UBE2U: variants seen among roughly 807,000 people sequenced by gnomAD.
UBE2U encodes the protein ubiquitin conjugating enzyme E2 U, also known as ubiquitin-conjugating enzyme E2 U.
UBE2U carries 39 observed loss-of-function variants against 41.2 expected under a neutral mutation model. The observed-to-expected ratio is 0.95, with a 90% CI of 0.73 to 1.24. UBE2U has a LOEUF of 1.24. Ranked by LOEUF, UBE2U falls within the 50% of genes most tolerant of loss-of-function variation. The probability of loss-of-function intolerance (pLI) is 0.00; values close to 1 mark genes in which losing one functional copy is unlikely to be tolerated. For missense variants in UBE2U, 336 were observed against 363.1 expected (o/e 0.93, Z 0.61); for synonymous variants, 107 against 117.8 (o/e 0.91, Z 0.60).
intron 3 of UBE2U, 112 bp from the exon 4 acceptor site, chr1:64,210,630 G>GA: frequency 2.9e-6 from 2 of 684,170 alleles, no homozygotes; most frequent in Non-Finnish European, 4.5e-6. Context: ...GAAGAACTAG[G>GA]AAAAAGGAAG....
chr1:64,222,730 T>A (rs1222425306), intron 6 of UBE2U, among the ~76,000 whole-genome samples: 3 of 152,224 alleles, frequency 2.0e-5, no homozygotes, highest in African/African-American at 4.8e-5. Flanking sequence ...CACAATAAGA[T>A]CTTGCAGAAA....
At chr1:64,253,833 C>A (rs1238919372) in intron 8 of UBE2U, among the ~76,000 whole-genome samples, 2 of 152,136 alleles carry the variant, frequency 1.3e-5, no homozygotes, top group Non-Finnish European at 1.5e-5. Flanking sequence ...AGACCAGTGA[C>A]ACTATGAAGC....
At chr1:64,251,378 G>A (rs571396718) in intron 8 of UBE2U, among the ~76,000 whole-genome samples, 22 of 151,964 alleles carry the variant, frequency 1.4e-4, no homozygotes, top group East Asian at 3.9e-4. Context: ...TGAAAATTTC[G>A]AATAATGTAA....
At chr1:64,243,674 C>T (rs1293800613) in intron 8 of UBE2U, among the ~76,000 whole-genome samples, 1 of 152,156 alleles carries the variant, frequency 6.6e-6, no homozygotes, top group Non-Finnish European at 1.5e-5. Flanking sequence ...TTCCTTCCCT[C>T]CCCTCATCAA....
intron 6 of UBE2U, among the ~76,000 whole-genome samples, chr1:64,227,212 A>C (rs566876123): frequency 1.3e-5 from 2 of 152,342 alleles, no homozygotes; most frequent in East Asian, 1.9e-4. Context: ...GTTTTGGAAT[A>C]AGGTAAGTAT....
At position 64,246,523 on chromosome 1, in the gene UBE2U, C is replaced by T. The variant is rs931859651; in HGVS notation, c.677+4790C>T. On this transcript the variant is annotated intron_variant, in intron 8 of 9. Transcript: ENST00000371077. ...TTCCCTAAAATTAAACCTTGACTGC[C>T]ATCTTGTGGTTAACAAGTGAATTAG... is the stretch of plus-strand genomic sequence containing the variant. Among the ~76,000 whole-genome samples the T allele has an allele frequency of 3.3e-5, 5 of 152,272 alleles. No homozygotes were observed. The South Asian group carries it at 1.0e-3, about 32-fold the overall frequency.
At chr1:64,222,646 A>C (rs552739468) in intron 6 of UBE2U, among the ~76,000 whole-genome samples, 1 of 152,228 alleles carries the variant, frequency 6.6e-6, no homozygotes, top group African/African-American at 2.4e-5. Context: ...GTGAATTCTA[A>C]TGTTAGCCCC....
chr1:64,239,092 G>GAAGAAGAAGAAGAAGAAGAAGAAGAAA (rs1644737300), intron 7 of UBE2U, among the ~76,000 whole-genome samples: 1 of 42,750 alleles, frequency 2.3e-5, no homozygotes, highest in African/African-American at 1.0e-4. Context: ...AAGAGGAAGA[G>GAAGAAGAAGAAGAAGAAGAAGAAGAAA]GAAGAAGAAG....
intron 6 of UBE2U, among the ~76,000 whole-genome samples, chr1:64,228,140 A>G (rs1372838400): frequency 2.0e-5 from 3 of 152,224 alleles, no homozygotes; most frequent in Non-Finnish European, 4.4e-5. Context: ...AAGTTACAGC[A>G]TAGATACCCC....
intron 4 of UBE2U, 35 bp downstream of exon 4, chr1:64,210,874 A>T: frequency 2.9e-6 from 4 of 1,402,702 alleles, no homozygotes; most frequent in South Asian, 1.3e-5. Context: ...TCTCTTTAAT[A>T]CTTTTAATTA....
At chr1:64,226,736 CTTA>C (rs1431002004) in intron 6 of UBE2U, among the ~76,000 whole-genome samples, 2 of 12,576 alleles carry the variant, frequency 1.6e-4, no homozygotes, top group Non-Finnish European at 2.7e-4. Flanking sequence ...CAAAATAAAA[CTTA>C]AAAAAAAAAA....
chr1:64,244,704 C>A (rs1198094174), intron 8 of UBE2U, among the ~76,000 whole-genome samples: 2 of 152,218 alleles, frequency 1.3e-5, no homozygotes, highest in African/African-American at 4.8e-5. Context: ...TTCACAGTTA[C>A]CCCATCCTCT....
Position 64,204,082 on chromosome 1 carries a change from G to A in UBE2U, c.32G>A (p.Arg11Lys). 1.2e-6 allele frequency: 2 copies of A among 1,613,918 alleles called. No individual in the cohort carries two copies. The highest frequency in any genetic ancestry group is 1.7e-6 in the Non-Finnish European group (2 of 1,179,890). Residue 11 changes from arginine (R) to lysine (K), a missense_variant, in exon 1 of 10, where the codon AGA becomes AAA. Physicochemically the swap from Arg to Lys is conservative, Grantham distance 26. Transcript: ENST00000371077. ...GGCAGAGCTTACCTCTTGCTGCACA[G>A]AGACTTCTGTGATCTCAAGGAGAAC... MHGRAYLLLHRDFCDLKENNY... is the reference protein window; with the variant it reads MHGRAYLLLHKDFCDLKENNY...
intron 6 of UBE2U, 74 bp from the exon 7 acceptor site, chr1:64,232,487 C>T: frequency 9.7e-7 from 1 of 1,026,750 alleles, no homozygotes; most frequent in South Asian, 1.5e-5. Flanking sequence ...GTGAACAGTC[C>T]ATATAGCAGT....
At chr1:64,234,281 G>T (rs1219073615) in intron 7 of UBE2U, among the ~76,000 whole-genome samples, 1 of 152,064 alleles carries the variant, frequency 6.6e-6, no homozygotes, top group Admixed American at 6.6e-5. Context: ...TTGGTTAGTG[G>T]TAGATCACTA....
At chr1:64,261,572 A>G (rs758453258) in intron 9 of UBE2U, among the ~76,000 whole-genome samples, 1 of 152,116 alleles carries the variant, frequency 6.6e-6, no homozygotes, top group Non-Finnish European at 1.5e-5. Context: ...CCTGCTCAGT[A>G]TCCACCTCTC....
Position 64,204,057 on chromosome 1 carries a change from G to C in UBE2U, c.7G>C (p.Gly3Arg). The change falls in exon 1 of 10, where the codon GGC becomes CGC. Residue 3 changes from glycine to arginine, a missense_variant. Gly to Arg is a moderately radical substitution (Grantham distance 125, BLOSUM62 -2). Transcript: ENST00000371077. MH[G>R]RAYLLLHRDF... ...AGACCCTCCGCTGCCTATCATGCAC[G>C]GCAGAGCTTACCTCTTGCTGCACAG... is the stretch of plus-strand genomic sequence containing the variant. The C allele has an allele frequency of 6.2e-7, 1 of 1,613,834 alleles. No homozygotes were observed. The highest frequency in any genetic ancestry group is 1.1e-5 in the South Asian group (1 of 91,002).
intron 7 of UBE2U, among the ~76,000 whole-genome samples, chr1:64,239,125 A>AGAGGAAGAGGAAGAGGAAGAGGAAGAG (rs1557730178): frequency 4.9e-4 from 12 of 24,354 alleles, no homozygotes; most frequent in East Asian, 6.8e-3. Context: ...AAGAAGAAGA[A>AGAGGAAGAGGAAGAGGAAGAGGAAGAG]GAAGAAGAAG....
chr1:64,267,310 A>G lies in UBE2U; in HGVS notation c.*102A>G, dbSNP rs1011088904. ...CAGAACTTGGATTTCATTTTTTTTA[A>G]GTTGTTCTCACCCACTCACTGCAAG... On this transcript the variant is annotated 3_prime_UTR_variant, in exon 10 of 10. Coordinates refer to ENST00000371077, the MANE Select transcript of UBE2U (RefSeq NM_001366232.2). 4.1e-6 allele frequency: 4 copies of G among 978,188 alleles called. No individual in the cohort carries two copies. The highest frequency in any genetic ancestry group is 3.5e-5 in the Admixed American group (1 of 28,896). 60.6% of individuals were successfully genotyped at this position (978,188 alleles called of 1,614,324 possible).
Sources: gnomAD v4.1 joint callset for allele counts (sites outside exome capture counted in the v4.1 genomes callset) on GRCh38, gnomAD v4.1.1 for gene constraint, MANE v1.5 for transcripts, NCBI Gene and HGNC (gene_info 2026-07-23, HGNC 2026-07-21) for gene names.